The following PRKN variants were observed in gnomAD, a reference collection of about 807,000 sequenced individuals.
PRKN encodes the protein E3 ubiquitin-protein ligase parkin.
A neutral mutation model predicts 59.5 loss-of-function variants in PRKN; 56 were observed. The ratio of observed to expected loss-of-function variants is 0.94; its 90% CI spans 0.76 to 1.18. The LOEUF (loss-of-function observed/expected upper bound fraction) is 1.18, where lower values mean the gene tolerates loss of function less well. Ranked by LOEUF, PRKN falls within the 50% of genes most tolerant of loss-of-function variation. The pLI is 0.00. For synonymous variants in PRKN, 250 were observed against 222.1 expected (o/e 1.13, Z -1.12); for missense variants, 657 against 596.4 (o/e 1.10, Z -1.06).
At chr6:162,585,381 C>T (rs570163783) in intron 1 of PRKN, among the ~76,000 whole-genome samples, 58 of 152,260 alleles carry the variant, frequency 3.8e-4, no homozygotes, top group African/African-American at 1.2e-3. Context: ...ACATTTGTCC[C>T]GTTACCCATT....
intron 5 of PRKN, among the ~76,000 whole-genome samples, chr6:162,031,902 G>A (rs1339952274): frequency 6.6e-6 from 1 of 152,172 alleles, no homozygotes. Context: ...GAAATACCAT[G>A]TCAAGATAAT....
At chr6:161,490,238 C>T (rs1366510840) in intron 9 of PRKN, among the ~76,000 whole-genome samples, 10 of 152,146 alleles carry the variant, frequency 6.6e-5, no homozygotes, top group Non-Finnish European at 8.8e-5. Context: ...TTGGCATGCT[C>T]GCTCCCAGCA....
At chr6:162,326,617 A>G (rs1490966171) in intron 2 of PRKN, among the ~76,000 whole-genome samples, 3 of 152,132 alleles carry the variant, frequency 2.0e-5, no homozygotes, top group African/African-American at 7.2e-5. Context: ...TTTGTTAAAC[A>G]CTGAGGCAGA....
At chr6:161,813,984 G>T (rs1301381477) in intron 6 of PRKN, among the ~76,000 whole-genome samples, 1 of 152,178 alleles carries the variant, frequency 6.6e-6, no homozygotes, top group Non-Finnish European at 1.5e-5. Context: ...GTCTAAAACA[G>T]GTAAAATGGA....
chr6:162,522,756 T>G (rs1778126571), intron 1 of PRKN, among the ~76,000 whole-genome samples: 1 of 149,532 alleles, frequency 6.7e-6, no homozygotes, highest in Non-Finnish European at 1.5e-5. Context: ...ACACAATAAA[T>G]AGTCCTCTGT....
chr6:161,500,634 T>C (rs1379472185), intron 9 of PRKN, among the ~76,000 whole-genome samples: 1 of 152,190 alleles, frequency 6.6e-6, no homozygotes. Flanking sequence ...GGCTTGACAG[T>C]ACGTTTCTTT....
chr6:162,044,354 G>A (rs1164319723), intron 5 of PRKN, among the ~76,000 whole-genome samples: 2 of 152,142 alleles, frequency 1.3e-5, no homozygotes, highest in African/African-American at 4.8e-5. Context: ...CACCTCCCAG[G>A]TGCTTCCCAG....
chr6:162,575,902 T>A (rs543383079), intron 1 of PRKN, among the ~76,000 whole-genome samples: 3 of 152,120 alleles, frequency 2.0e-5, no homozygotes, highest in East Asian at 3.9e-4. Context: ...CTTGCAACAG[T>A]CCCCCAGCAG....
intron 6 of PRKN, among the ~76,000 whole-genome samples, chr6:161,814,770 A>G (rs988066832): frequency 2.6e-5 from 4 of 152,114 alleles, no homozygotes; most frequent in Non-Finnish European, 4.4e-5. Flanking sequence ...CCAAAGTGCT[A>G]GGATTACAGG....
chr6:162,635,803 G>C (rs1777689092), intron 1 of PRKN, among the ~76,000 whole-genome samples: 1 of 152,060 alleles, frequency 6.6e-6, no homozygotes, highest in Non-Finnish European at 1.5e-5. Context: ...TCTGTCACTT[G>C]ACACAAGTGA....
intron 2 of PRKN, among the ~76,000 whole-genome samples, chr6:162,358,264 AAC>A (rs551651808): frequency 1.6e-3 from 237 of 152,258 alleles, no homozygotes; most frequent in Admixed American, 3.4e-3. Context: ...AATTTTAATA[AAC>A]AGTTTGGAAT....
intron 5 of PRKN, among the ~76,000 whole-genome samples, chr6:162,009,962 T>C (rs1425898223): frequency 6.6e-6 from 1 of 151,412 alleles, no homozygotes; most frequent in African/African-American, 2.4e-5. Context: ...TTCTGGTTCA[T>C]AACTAGGTGT....
Position 161,390,393 on chromosome 6 carries a change from G to C in PRKN, c.1084-3516C>G, listed in dbSNP as rs1786453760. Among the ~76,000 whole-genome samples the C allele has an allele frequency of 6.6e-6, 1 of 152,216 alleles. No homozygotes were observed. The highest frequency in any genetic ancestry group is 2.1e-4 in the South Asian group (1 of 4,828). ...TGTAGATTGTGCTATTTTCCTTTTG[G>C]TGACATTGTATCTTTGCAAAGGTGG... is the stretch of plus-strand genomic sequence containing the variant. On this transcript the variant is annotated intron_variant, in intron 9 of 11. Transcript: ENST00000366898. This position sits in a 1 kb window ranked among gnomAD's most constrained non-coding sequence, Gnocchi z 7.0.
rs556399604 is a variant in PRKN at position 161,550,358 on chromosome 6, C to G, written c.934-1355G>C. On this transcript the variant is annotated intron_variant, in intron 8 of 11. Coordinates refer to ENST00000366898, the MANE Select transcript of PRKN (RefSeq NM_004562.3). This position sits in a 1 kb window ranked among gnomAD's most constrained non-coding sequence, Gnocchi z 4.0. The stretch of plus-strand genomic sequence containing the variant: ...GCAGAACTCTGAGGCTGAGGCATGA[C>G]ATAATTTGACTAATATTTTAAAGAC... Among the ~76,000 whole-genome samples the G allele has an allele frequency of 6.6e-6, 1 of 152,138 alleles. No homozygotes were observed. Among genetic ancestry groups the G allele is most frequent in the Admixed American group, 6.5e-5 (1 of 15,274 alleles).
At chr6:161,623,523 G>C (rs1329982825) in intron 7 of PRKN, among the ~76,000 whole-genome samples, 4 of 152,200 alleles carry the variant, frequency 2.6e-5, no homozygotes, top group African/African-American at 9.7e-5. Flanking sequence ...GCGACAGACA[G>C]CTTTTTAAAA....
chr6:161,481,617 C>G (rs1218201792), intron 9 of PRKN, among the ~76,000 whole-genome samples: 3 of 151,596 alleles, frequency 2.0e-5, no homozygotes, highest in Non-Finnish European at 4.4e-5. Flanking sequence ...AACAAAAAAA[C>G]AAAACAAACA....
chr6:162,266,299 TG>T, intron 2 of PRKN, among the ~76,000 whole-genome samples: 1 of 40,218 alleles, frequency 2.5e-5, no homozygotes, highest in African/African-American at 2.7e-4. Context: ...ACATATATAT[TG>T]TGTGTGTGTG....
At chr6:162,551,842 T>C (rs746686363) in intron 1 of PRKN, among the ~76,000 whole-genome samples, 1 of 152,244 alleles carries the variant, frequency 6.6e-6, no homozygotes, top group Non-Finnish European at 1.5e-5. Context: ...TTAACAATTA[T>C]TAATCCCTAC....
intron 2 of PRKN, among the ~76,000 whole-genome samples, chr6:162,312,507 C>A (rs1055009013): frequency 3.3e-5 from 5 of 152,154 alleles, no homozygotes; most frequent in African/African-American, 1.2e-4. Flanking sequence ...GCCCTGGGCA[C>A]AGGGCTGACC....
Sources: gnomAD v4.1 joint callset for allele counts (sites outside exome capture counted in the v4.1 genomes callset) on GRCh38, gnomAD v4.1.1 for gene constraint, Gnocchi (gnomAD v3.1) non-coding constraint, MANE v1.5 for transcripts, NCBI Gene and HGNC (gene_info 2026-07-23, HGNC 2026-07-21) for gene names.